KCNIP4: variants seen among roughly 807,000 people sequenced by gnomAD.
KCNIP4 encodes potassium voltage-gated channel interacting protein 4.
A neutral mutation model predicts 34.0 loss-of-function variants in KCNIP4; 12 were observed. The ratio of observed to expected loss-of-function variants is 0.35; its 90% CI spans 0.23 to 0.57. KCNIP4 has a LOEUF of 0.57. Ranked by LOEUF, KCNIP4 falls within the 20% of genes least tolerant of loss-of-function variation. KCNIP4 has a pLI of 0.83. For missense variants in KCNIP4, 238 were observed against 311.7 expected, an observed-to-expected ratio of 0.76 and a Z score of 1.78; for synonymous variants, 124 against 102.2, an observed-to-expected ratio of 1.21 and a Z score of -1.29.
chr4:21,065,685 A>G (rs1744288510), intron 1 of KCNIP4, among the ~76,000 whole-genome samples: 1 of 146,384 alleles, frequency 6.8e-6, no homozygotes, highest in African/African-American at 2.5e-5. Flanking sequence ...TGTGAAAAAA[A>G]TATTTAGGAG....
chr4:21,203,909 C>G (rs1362610059), intron 1 of KCNIP4, among the ~76,000 whole-genome samples: 1 of 152,146 alleles, frequency 6.6e-6, no homozygotes, highest in Non-Finnish European at 1.5e-5. Flanking sequence ...GTTCAACTCC[C>G]GGGAAGGGCT....
chr4:21,029,614 C>T (rs1041897163), intron 1 of KCNIP4, among the ~76,000 whole-genome samples: 3 of 152,174 alleles, frequency 2.0e-5, no homozygotes, highest in Admixed American at 6.5e-5. Flanking sequence ...TTGTCTATCA[C>T]CAACGACACC....
chr4:21,378,882 A>G (rs1244995569), intron 1 of KCNIP4, among the ~76,000 whole-genome samples: 2 of 152,138 alleles, frequency 1.3e-5, no homozygotes, highest in Non-Finnish European at 1.5e-5. Context: ...TTTATTAACA[A>G]TCTTTCAAAT....
intron 1 of KCNIP4, among the ~76,000 whole-genome samples, chr4:21,887,269 C>T (rs1726829733): frequency 6.6e-6 from 1 of 152,052 alleles, no homozygotes; most frequent in African/African-American, 2.4e-5. Context: ...GACCAGGGTT[C>T]CAGCACGGTC....
chr4:21,874,515 T>G (rs559484820), intron 1 of KCNIP4, among the ~76,000 whole-genome samples: 3 of 152,164 alleles, frequency 2.0e-5, no homozygotes, highest in Non-Finnish European at 4.4e-5. Flanking sequence ...TGTGCTCCTT[T>G]AGATAAGGCT....
At chr4:21,307,597 A>G (rs1343536599) in intron 1 of KCNIP4, among the ~76,000 whole-genome samples, 1 of 152,192 alleles carries the variant, frequency 6.6e-6, no homozygotes, top group African/African-American at 2.4e-5. Flanking sequence ...CAATCCCAGA[A>G]TGGTGCCTGG....
chr4:21,894,938 C>T (rs943672739), intron 1 of KCNIP4, among the ~76,000 whole-genome samples: 6 of 152,162 alleles, frequency 3.9e-5, no homozygotes, highest in African/African-American at 1.4e-4. Flanking sequence ...TCCTGTAGAG[C>T]TGACTCAGTC....
intron 2 of KCNIP4, among the ~76,000 whole-genome samples, chr4:20,867,705 G>A (rs1400766297): frequency 6.6e-6 from 1 of 152,074 alleles, no homozygotes; most frequent in Non-Finnish European, 1.5e-5. Flanking sequence ...CTCCTGCACA[G>A]TAAAAGAAAT....
intron 1 of KCNIP4, among the ~76,000 whole-genome samples, chr4:21,904,296 T>G (rs1361162201): frequency 2.0e-5 from 3 of 152,220 alleles, no homozygotes; most frequent in Non-Finnish European, 1.5e-5. Flanking sequence ...CCTCCATTTA[T>G]TAATACCATA....
chr4:21,103,392 A>C lies in KCNIP4; in HGVS notation c.62-220683T>G, dbSNP rs549519702. Among the ~76,000 whole-genome samples the C allele has an allele frequency of 1.3e-3, 192 of 147,206 alleles. 1 individual carries two copies. Among genetic ancestry groups the C allele is most frequent in the African/African-American group, 4.0e-3 (164 of 40,570 alleles). ...TAAGATATATATATTTTATATATATATCTCCAATATCTAAATAGACTGGTT... is the reference window on the plus strand; with the variant it reads ...TAAGATATATATATTTTATATATATCTCTCCAATATCTAAATAGACTGGTT... On this transcript the variant is annotated intron_variant, in intron 1 of 8. Coordinates refer to ENST00000382152, the MANE Select transcript of KCNIP4 (RefSeq NM_025221.6).
chr4:21,639,855 C>A (rs928406906), intron 1 of KCNIP4, among the ~76,000 whole-genome samples: 1 of 152,092 alleles, frequency 6.6e-6, no homozygotes, highest in Admixed American at 6.6e-5. Flanking sequence ...ATTTGGGGAC[C>A]CACTGGACCC....
At chr4:20,835,987 A>G (rs1718990402) in intron 3 of KCNIP4, among the ~76,000 whole-genome samples, 1 of 152,200 alleles carries the variant, frequency 6.6e-6, no homozygotes, top group Non-Finnish European at 1.5e-5. Flanking sequence ...CCAATGTACC[A>G]TCATAACTTG....
At chr4:20,992,792 C>T (rs571152935) in intron 1 of KCNIP4, among the ~76,000 whole-genome samples, 1 of 152,088 alleles carries the variant, frequency 6.6e-6, no homozygotes, top group Non-Finnish European at 1.5e-5. Flanking sequence ...ATTTGGGGGG[C>T]CAAGGCAGGT....
At chr4:21,916,199 C>T (rs1045008221) in intron 1 of KCNIP4, among the ~76,000 whole-genome samples, 3 of 152,194 alleles carry the variant, frequency 2.0e-5, no homozygotes, top group African/African-American at 7.2e-5. Flanking sequence ...CACTGGAGTA[C>T]AATTTTTAAA....
At chr4:21,321,376 C>G (rs1441596189) in intron 1 of KCNIP4, among the ~76,000 whole-genome samples, 1 of 151,988 alleles carries the variant, frequency 6.6e-6, no homozygotes, top group Non-Finnish European at 1.5e-5. Context: ...AGATAAATGC[C>G]TATTATGTGG....
rs145191120 is a variant in KCNIP4, at chr4:21,708,399, G to A, written c.61+240172C>T. On this transcript the variant is annotated intron_variant, in intron 1 of 8. Transcript: ENST00000382152. ...AGGCCCCGCCTCCAATATATAGACA[G>A]AATTTCTAAGTATGGGGTGAAGAGT... Among the ~76,000 whole-genome samples, 432 of 152,138 alleles carry A rather than the reference G, an allele frequency of 2.8e-3. 4 individuals carry two copies. The highest frequency in any genetic ancestry group is 9.3e-3 in the African/African-American group (388 of 41,522).
intron 1 of KCNIP4, among the ~76,000 whole-genome samples, chr4:21,704,855 T>C (rs1490460065): frequency 1.3e-5 from 2 of 152,146 alleles, no homozygotes; most frequent in East Asian, 3.9e-4. Context: ...CTAGCAATTG[T>C]ACTCCAGAGC....
intron 1 of KCNIP4, among the ~76,000 whole-genome samples, chr4:21,328,647 G>C (rs2109318300): frequency 6.6e-6 from 1 of 152,300 alleles, no homozygotes; most frequent in Non-Finnish European, 1.5e-5. Context: ...ATCCAGCCAG[G>C]CTTATTTCCT....
At chr4:21,133,441 C>G (rs1049918170) in intron 1 of KCNIP4, among the ~76,000 whole-genome samples, 38 of 152,102 alleles carry the variant, frequency 2.5e-4, no homozygotes, top group Non-Finnish European at 4.0e-4. Context: ...TCCATGGAGT[C>G]CTGTGGGTCT....
Sources: allele counts gnomAD v4.1 joint callset (sites outside exome capture counted in the v4.1 genomes callset), GRCh38; gene constraint gnomAD v4.1.1; transcripts MANE v1.5; gene names NCBI Gene and HGNC (gene_info 2026-07-23, HGNC 2026-07-21).